The following CYRIA variants were observed in gnomAD, a reference collection of about 807,000 sequenced individuals.
CYRIA encodes the protein CYFIP-related Rac1 interactor A.
In CYRIA, 15 loss-of-function variants were observed where a neutral mutation model predicts 43.9. The ratio of observed to expected loss-of-function variants is 0.34; its 90% CI spans 0.23 to 0.53. The LOEUF (loss-of-function observed/expected upper bound fraction) is 0.53, where lower values mean the gene tolerates loss of function less well. CYRIA is among the 20% of genes least tolerant of loss of function. The probability of loss-of-function intolerance (pLI) is 0.94; values close to 1 mark genes in which losing one functional copy is unlikely to be tolerated. For synonymous variants in CYRIA, 117 were observed against 136.0 expected, an observed-to-expected ratio of 0.86 and a Z score of 0.97; for missense variants, 236 against 394.2, an observed-to-expected ratio of 0.60 and a Z score of 3.40.
Position 16,552,665 on chromosome 2 carries a change from G to A in CYRIA, c.*271C>T, listed in dbSNP as rs930290951. On this transcript the variant is annotated 3_prime_UTR_variant, in exon 12 of 12. Transcript: ENST00000381323. ...GGAATTTTTTATCGTTATAGATGTT[G>A]TTAAAGGACTCCAGTAGCAAAGATC... is the stretch of plus-strand genomic sequence containing the variant. The A allele has an allele frequency of 2.6e-6, 1 of 389,680 alleles. No individual in the cohort carries two copies. The highest frequency in any genetic ancestry group is 4.6e-6 in the Non-Finnish European group (1 of 216,710). 24.1% of individuals were successfully genotyped at this position (389,680 alleles called of 1,614,324 possible). A position where few individuals can be genotyped will look rare whatever the true frequency, so the allele number is the denominator to read the frequency against.
intron 1 of CYRIA, among the ~76,000 whole-genome samples, chr2:16,634,649 C>T (rs1179162319): frequency 1.3e-4 from 18 of 141,074 alleles, no homozygotes; most frequent in Admixed American, 1.2e-3. Flanking sequence ...CAGCACATCA[C>T]AGTGATAAGG....
At chr2:16,561,661 C>T in intron 6 of CYRIA, 128 bp from the exon 7 acceptor site, 1 of 723,520 alleles carries the variant, frequency 1.4e-6, no homozygotes. Flanking sequence ...AGAGTCAAAG[C>T]AACTTCTGGT....
intron 4 of CYRIA, 52 bp from the exon 5 acceptor site, chr2:16,564,146 A>G: frequency 7.3e-7 from 1 of 1,378,860 alleles, no homozygotes; most frequent in Non-Finnish European, 1.0e-6. Flanking sequence ...TAAGCTCCAC[A>G]TCAAAATGCC....
intron 1 of CYRIA, among the ~76,000 whole-genome samples, chr2:16,655,683 T>C (rs1173913280): frequency 1.3e-5 from 2 of 152,180 alleles, no homozygotes; most frequent in Admixed American, 1.3e-4. Flanking sequence ...GCAGCACAGC[T>C]TCTCCTGCTC....
intron 1 of CYRIA, among the ~76,000 whole-genome samples, chr2:16,629,681 G>A (rs1669268937): frequency 1.3e-5 from 2 of 152,156 alleles, no homozygotes; most frequent in Non-Finnish European, 2.9e-5. Flanking sequence ...TGTGATAAAA[G>A]GAATAGAGAT....
chr2:16,554,499 C>G (rs1418521671), intron 11 of CYRIA, among the ~76,000 whole-genome samples: 1 of 152,166 alleles, frequency 6.6e-6, no homozygotes, highest in African/African-American at 2.4e-5. Flanking sequence ...GGCATCTAGA[C>G]AGTGGGTTCT....
intron 1 of CYRIA, among the ~76,000 whole-genome samples, chr2:16,659,380 C>G (rs957840628): frequency 4.6e-5 from 7 of 152,212 alleles, no homozygotes; most frequent in Admixed American, 3.3e-4. Context: ...ATTCGCCCAT[C>G]CATAAAATGG....
chr2:16,563,769 T>C (rs1204893371), intron 5 of CYRIA, among the ~76,000 whole-genome samples: 1 of 152,172 alleles, frequency 6.6e-6, no homozygotes, highest in Admixed American at 6.5e-5. Flanking sequence ...TACTCACTAG[T>C]AGAGACACAC....
intron 1 of CYRIA, among the ~76,000 whole-genome samples, chr2:16,633,406 T>TTTTATTTA (rs138574548): frequency 1.3e-4 from 20 of 151,156 alleles, no homozygotes; most frequent in Non-Finnish European, 1.9e-4. Flanking sequence ...GTCTCATGAC[T>TTTTATTTA]TTTATTTATT....
At chr2:16,562,637 T>C (rs918412385) in intron 5 of CYRIA, among the ~76,000 whole-genome samples, 1 of 152,136 alleles carries the variant, frequency 6.6e-6, no homozygotes, top group Non-Finnish European at 1.5e-5. Flanking sequence ...CTACCTCCAT[T>C]ATTTTTCTTG....
At chr2:16,610,999 C>T (rs894673406) in intron 2 of CYRIA, among the ~76,000 whole-genome samples, 1 of 145,860 alleles carries the variant, frequency 6.9e-6, no homozygotes, top group African/African-American at 2.5e-5. Flanking sequence ...TGTTGAACTT[C>T]TTGAGGACAG....
intron 2 of CYRIA, 58 bp from the exon 3 acceptor site, chr2:16,588,187 G>C: frequency 8.5e-7 from 1 of 1,174,576 alleles, no homozygotes; most frequent in South Asian, 1.4e-5. Flanking sequence ...ATAGACTTGC[G>C]TGAATATCCC....
At chr2:16,567,165 G>T (rs1666963993) in intron 3 of CYRIA, among the ~76,000 whole-genome samples, 1 of 152,116 alleles carries the variant, frequency 6.6e-6, no homozygotes, top group Admixed American at 6.5e-5. Context: ...CAGCATTTTG[G>T]GAGGCTGAGC....
intron 3 of CYRIA, among the ~76,000 whole-genome samples, chr2:16,586,190 T>C (rs907079175): frequency 6.6e-6 from 1 of 152,102 alleles, no homozygotes; most frequent in African/African-American, 2.4e-5. Flanking sequence ...ACCCCCACAG[T>C]TGTGAATAAA....
intron 2 of CYRIA, among the ~76,000 whole-genome samples, chr2:16,592,553 G>GTCAC (rs769791658): frequency 6.6e-6 from 1 of 152,116 alleles, no homozygotes; most frequent in Non-Finnish European, 1.5e-5. Flanking sequence ...GGGCATCTGG[G>GTCAC]TCACTGGTCC....
At chr2:16,618,752 G>A (rs1668893300) in intron 2 of CYRIA, among the ~76,000 whole-genome samples, 1 of 152,216 alleles carries the variant, frequency 6.6e-6, no homozygotes, top group Non-Finnish European at 1.5e-5. Flanking sequence ...ATAAGGTGGT[G>A]AGTTCACCAT....
At chr2:16,627,442 CTG>C (rs1321562212) in intron 1 of CYRIA, among the ~76,000 whole-genome samples, 1 of 152,234 alleles carries the variant, frequency 6.6e-6, no homozygotes, top group African/African-American at 2.4e-5. Context: ...CAAGTACTTA[CTG>C]TGTGTTGGGC....
intron 2 of CYRIA, among the ~76,000 whole-genome samples, chr2:16,622,181 C>T (rs11681660): frequency 0.028 from 4,255 of 152,196 alleles, 70 homozygotes; most frequent in Middle Eastern, 0.075. Context: ...TGGATGTAGG[C>T]TAGTCTGAAG....
At chr2:16,589,155 G>C (rs2103460710) in intron 2 of CYRIA, among the ~76,000 whole-genome samples, 1 of 152,200 alleles carries the variant, frequency 6.6e-6, no homozygotes, top group African/African-American at 2.4e-5. Flanking sequence ...TCTGCTGTAA[G>C]TGAACTCTTG....
Sources: gnomAD v4.1 joint callset for allele counts (sites outside exome capture counted in the v4.1 genomes callset) on GRCh38, gnomAD v4.1.1 for gene constraint, MANE v1.5 for transcripts, NCBI Gene and HGNC (gene_info 2026-07-23, HGNC 2026-07-21) for gene names.